Variants in FBN3 observed in about 807,000 individuals in gnomAD.
The protein encoded by FBN3 is fibrillin-3.
In FBN3, 234 loss-of-function variants were observed where a neutral mutation model predicts 330.1. That is an observed-to-expected ratio of 0.71 (90% CI 0.64 to 0.79). The LOEUF is 0.79. Ranked by LOEUF, FBN3 falls within the 30% of genes least tolerant of loss-of-function variation. The probability of loss-of-function intolerance (pLI) is 0.00; values close to 1 mark genes in which losing one functional copy is unlikely to be tolerated. For synonymous variants in FBN3, 1,458 were observed against 1,517.3 expected (o/e 0.96, Z 0.91); for missense variants, 3,606 against 3,886.9 (o/e 0.93, Z 1.92).
rs780932930 is a variant in FBN3, at chr19:8,096,545, G to A, written c.5438C>T (p.Pro1813Leu). The change falls in exon 44 of 64, where the codon CCG becomes CTG. Residue 1813 changes from proline to leucine, a missense_variant. Physicochemically the swap from Pro to Leu is moderately conservative, Grantham distance 98 (BLOSUM62 -3). Coordinates refer to ENST00000600128, the MANE Select transcript of FBN3 (RefSeq NM_032447.5). The surrounding 1 kb of genome is among the most constrained non-coding windows in gnomAD (Gnocchi z 4.6). ...CVGRNECREI[P>L]NVCSHGDCMD... The stretch of plus-strand genomic sequence containing the variant: ...GCAGTCACCATGGCTACAGACATTC[G>A]GGATCTCCCGACACTCATTCCGTCC... 2.8e-5 allele frequency: 45 copies of A among 1,613,024 alleles called. No individual in the cohort carries two copies. The highest frequency in any genetic ancestry group is 1.7e-4 in the Admixed American group (10 of 59,946).
In FBN3 at chr19:8,109,007, A is replaced by G. The variant is rs990475119; in HGVS notation, c.4618+220T>C. Among the ~76,000 whole-genome samples, 3 of 152,266 alleles carry G rather than the reference A, an allele frequency of 2.0e-5. No homozygotes were observed. The East Asian group carries it at 5.8e-4, about 29-fold the overall frequency. On this transcript the variant is annotated intron_variant, in intron 36 of 63. Coordinates refer to ENST00000600128, the MANE Select transcript of FBN3 (RefSeq NM_032447.5). This position sits in a 1 kb window ranked among gnomAD's most constrained non-coding sequence, Gnocchi z 5.2. ...ACTGACTGAGTGATCAAGTGACTAT[A>G]AACACAGAGAATTTACAGAAAGCGA... is the stretch of plus-strand genomic sequence containing the variant.
In FBN3 at chr19:8,081,017, T is replaced by A. The variant is rs898078794; in HGVS notation, c.7439A>T (p.His2480Leu). ...GGGTCACTCACCGAAGCAGGCCTGG[T>A]GGTGCTGGGTGAAGCCGGGCGGACA... ...CRCPPGFTQH[H>L]QACFDNDECS... The change falls in exon 59 of 64, where the codon CAC becomes CTC. Residue 2480 changes from histidine (H) to leucine (L), a missense_variant. Coordinates refer to ENST00000600128, the MANE Select transcript of FBN3 (RefSeq NM_032447.5). The A allele has an allele frequency of 6.2e-7, 1 of 1,611,482 alleles. No individual in the cohort carries two copies. The highest frequency in any genetic ancestry group is 1.3e-5 in the African/African-American group (1 of 74,850).
At chr19:8,134,794 C>T (rs2083240212) in intron 13 of FBN3, among the ~76,000 whole-genome samples, 1 of 151,520 alleles carries the variant, frequency 6.6e-6, no homozygotes, top group Admixed American at 6.6e-5. Flanking sequence ...GTTAGCCGGG[C>T]ACAGTGGCGC....
At chr19:8,143,538 C>T (rs1360850679) in intron 6 of FBN3, among the ~76,000 whole-genome samples, 30 of 129,544 alleles carry the variant, frequency 2.3e-4, no homozygotes, top group South Asian at 2.2e-3. Flanking sequence ...GCTCTGTCTT[C>T]CAGGCTGGAG....
intron 8 of FBN3, 129 bp from the exon 9 acceptor site, chr19:8,138,693 C>T (rs1407115886): frequency 2.1e-6 from 2 of 970,838 alleles, no homozygotes; most frequent in Non-Finnish European, 3.0e-6. Flanking sequence ...AGTTTCCTCT[C>T]CATAAAATGG....
At chr19:8,100,370 C>T (rs1300162449) in intron 41 of FBN3, among the ~76,000 whole-genome samples, 1 of 151,980 alleles carries the variant, frequency 6.6e-6, no homozygotes, top group Admixed American at 6.6e-5. Context: ...AAAAGTCTTA[C>T]TCTATCCCTC....
In FBN3 at chr19:8,133,059, G is replaced by C; in HGVS notation, c.1639C>G (p.Leu547Val). The C allele has an allele frequency of 6.3e-7, 1 of 1,586,946 alleles. No individual in the cohort carries two copies. The highest frequency in any genetic ancestry group is 8.6e-7 in the Non-Finnish European group (1 of 1,167,968). The change falls in exon 14 of 64, where the codon CTC becomes GTC. Residue 547 changes from leucine (L) to valine (V), a missense_variant. Coordinates refer to ENST00000600128, the MANE Select transcript of FBN3 (RefSeq NM_032447.5). ...CAGGAGAAGCTGCCATCCTCGTTGA[G>C]ACACACGCCGTTGACGCACATGGTG... ...TSTMCVNGVC[L>V]NEDGSFSCLC... is the part of the protein sequence containing the mutation.
rs189112382 is a variant in FBN3, at chr19:8,114,139, T to A, written c.3838+1376A>T. Among the ~76,000 whole-genome samples, 60 of 152,266 alleles carry A rather than the reference T, an allele frequency of 3.9e-4. 1 individual carries two copies. The highest frequency in any genetic ancestry group is 1.4e-3 in the African/African-American group (60 of 41,544). On this transcript the variant is annotated intron_variant, in intron 30 of 63. Transcript: ENST00000600128. ...GGAACAGCAAGGAGGCATGGAACAC[T>A]TTCTGCCTCTGAGCCCCCAAGAAGG...
rs1290721058 is a variant in FBN3, at chr19:8,145,397, AG to A, written c.446-426del. Among the ~76,000 whole-genome samples the A allele has an allele frequency of 6.2e-3, 657 of 105,638 alleles. 7 individuals carry two copies. The highest frequency in any genetic ancestry group is 0.021 in the Middle Eastern group (3 of 144). 69.3% of individuals were successfully genotyped at this position (105,638 alleles called of 152,430 possible). A position where few individuals can be genotyped will look rare whatever the true frequency, so the allele number is the denominator to read the frequency against. ...TCAAAAAAAAAAAAAAAAAAAAAAA[AG>A]GGCCGGGCACGGTAGCTCACGCCTG... is the stretch of plus-strand genomic sequence containing the variant. On this transcript the variant is annotated intron_variant, in intron 5 of 63. Transcript: ENST00000600128.
chr19:8,081,216 A>G, intron 58 of FBN3, 97 bp from the exon 59 acceptor site: 1 of 1,485,310 alleles, frequency 6.7e-7, no homozygotes, highest in Non-Finnish European at 9.3e-7. Context: ...CAGAGGGGTG[A>G]CAAGAGAAAG....
At chr19:8,100,757 G>A in intron 41 of FBN3, 144 bp downstream of exon 41, 1 of 679,654 alleles carries the variant, frequency 1.5e-6, no homozygotes, top group Non-Finnish European at 2.7e-6. Context: ...AGGATTCCTG[G>A]GGAGTTGGAG....
At chr19:8,145,455 C>T (rs1043239908) in intron 5 of FBN3, among the ~76,000 whole-genome samples, 15 of 149,124 alleles carry the variant, frequency 1.0e-4, no homozygotes, top group African/African-American at 3.7e-4. Context: ...CTGAGGCGGG[C>T]GGATCACGAG....
chr19:8,143,235 C>T (rs1469734788), intron 6 of FBN3, among the ~76,000 whole-genome samples: 1 of 152,162 alleles, frequency 6.6e-6, no homozygotes, highest in African/African-American at 2.4e-5. Flanking sequence ...CTTCAGTCCC[C>T]ATGGATGGGG....
Position 8,129,032 on chromosome 19 carries a change from G to A in FBN3, c.2292C>T (p.Cys764=), listed in dbSNP as rs1204815713. 1 of 1,612,554 alleles carries A rather than the reference G, an allele frequency of 6.2e-7. No individual in the cohort carries two copies. Among genetic ancestry groups the A allele is most frequent in the Non-Finnish European group, 8.5e-7 (1 of 1,179,298 alleles). The change falls in exon 18 of 64, where the codon TGC becomes TGT. Residue 764 remains cysteine (C), a synonymous_variant. Coordinates refer to ENST00000600128, the MANE Select transcript of FBN3 (RefSeq NM_032447.5). The surrounding 1 kb of genome is among the most constrained non-coding windows in gnomAD (Gnocchi z 4.5). ...CGTGAGCCCGGGACCCAGTACCTTT[G>A]CAGATCTCCGTGTCCTGCCAGAAGT... ...GFHFWQDTEI[C]KDVDECLSSP... is the part of the protein sequence containing the mutation.
intron 52 of FBN3, 32 bp from the exon 53 acceptor site, chr19:8,087,979 A>C (rs776277614): frequency 1.9e-5 from 31 of 1,613,914 alleles, no homozygotes; most frequent in Non-Finnish European, 2.6e-5. Flanking sequence ...CCAGCTGGGT[A>C]GGGACTGAGG....
chr19:8,117,657 C>G, intron 26 of FBN3, 68 bp from the exon 27 acceptor site: 3 of 1,475,324 alleles, frequency 2.0e-6, no homozygotes, highest in Middle Eastern at 3.5e-4. Flanking sequence ...ATGAGACACA[C>G]TGGGGGCACA....
At chr19:8,147,667 C>A (rs2145079121) in intron 1 of FBN3, 170 bp from the exon 2 acceptor site, 1 of 485,144 alleles carries the variant, frequency 2.1e-6, no homozygotes, top group East Asian at 3.3e-5. Flanking sequence ...TCAGAGGAGG[C>A]TTCCTGGAGG....
intron 40 of FBN3, 50 bp from the exon 41 acceptor site, chr19:8,101,022 G>GC: frequency 6.7e-7 from 1 of 1,497,598 alleles, no homozygotes; most frequent in Non-Finnish European, 9.2e-7. Context: ...CCTGACCCCA[G>GC]CCCGCTCCCA....
intron 26 of FBN3, among the ~76,000 whole-genome samples, chr19:8,117,908 G>A (rs957310657): frequency 2.0e-5 from 3 of 151,406 alleles, no homozygotes; most frequent in African/African-American, 7.3e-5. Context: ...TCACACTCAA[G>A]TGCACACTCC....
Sources: allele counts gnomAD v4.1 joint callset (sites outside exome capture counted in the v4.1 genomes callset), GRCh38; gene constraint gnomAD v4.1.1; non-coding constraint Gnocchi (gnomAD v3.1); transcripts MANE v1.5; gene names NCBI Gene and HGNC (gene_info 2026-07-23, HGNC 2026-07-21).